Variants in PDGFD observed in about 807,000 individuals in gnomAD.
The protein encoded by PDGFD is platelet-derived growth factor D.
A neutral mutation model predicts 44.7 loss-of-function variants in PDGFD; 30 were observed. That is an observed-to-expected ratio of 0.67 (90% confidence interval 0.50 to 0.91). PDGFD has a LOEUF of 0.91. PDGFD is among the 40% of genes least tolerant of loss of function. The pLI is 0.00. For synonymous variants in PDGFD, 173 were observed against 168.4 expected (o/e 1.03, Z -0.21); for missense variants, 445 against 457.8 (o/e 0.97, Z 0.25).
intron 1 of PDGFD, among the ~76,000 whole-genome samples, chr11:104,121,595 T>C (rs976931634): frequency 6.6e-6 from 1 of 152,048 alleles, no homozygotes; most frequent in South Asian, 2.1e-4. Flanking sequence ...CCTACAAGAA[T>C]ACAAGTTCCA....
At chr11:103,939,147 G>A (rs1402006502) in intron 5 of PDGFD, among the ~76,000 whole-genome samples, 1 of 152,134 alleles carries the variant, frequency 6.6e-6, no homozygotes, top group East Asian at 1.9e-4. Flanking sequence ...ACCTTGGGCA[G>A]TATGGCCATT....
chr11:104,037,849 G>T, intron 1 of PDGFD: 1 of 1,614,122 alleles, frequency 6.2e-7, no homozygotes, highest in East Asian at 2.2e-5. Flanking sequence ...ATGTTCCATC[G>T]ATTTGAAGAA....
intron 1 of PDGFD, among the ~76,000 whole-genome samples, chr11:104,013,740 C>A (rs1332348664): frequency 1.3e-5 from 2 of 151,842 alleles, no homozygotes; most frequent in African/African-American, 4.8e-5. Flanking sequence ...TTTTGTTTTT[C>A]AATAGGTAGC....
At chr11:104,085,365 T>A (rs1861115686) in intron 1 of PDGFD, among the ~76,000 whole-genome samples, 1 of 152,176 alleles carries the variant, frequency 6.6e-6, no homozygotes, top group Non-Finnish European at 1.5e-5. Context: ...GTCCTTGAGG[T>A]CTATCCAAGT....
chr11:104,148,305 A>G (rs1407627481), intron 1 of PDGFD, among the ~76,000 whole-genome samples: 1 of 152,158 alleles, frequency 6.6e-6, no homozygotes, highest in Non-Finnish European at 1.5e-5. Flanking sequence ...GCTCTCATAA[A>G]TTAATTTTTT....
In PDGFD at chr11:103,910,263, A is replaced by C. The variant is rs1452798602; in HGVS notation, c.988-444T>G. Among the ~76,000 whole-genome samples the C allele has an allele frequency of 2.6e-5, 4 of 152,234 alleles. No individual in the cohort carries two copies. The East Asian group carries it at 7.7e-4, about 29-fold the overall frequency. On this transcript the variant is annotated intron_variant, in intron 6 of 6. Coordinates refer to ENST00000393158, the MANE Select transcript of PDGFD (RefSeq NM_025208.5). ...ATGAATAAAATATGCTGGTATATCTAAATCTTTGGTTGAAGTAAAACATGT... is the reference window on the plus strand; with the variant it reads ...ATGAATAAAATATGCTGGTATATCTCAATCTTTGGTTGAAGTAAAACATGT...
intron 1 of PDGFD, among the ~76,000 whole-genome samples, chr11:104,153,176 G>T (rs1397646507): frequency 1.3e-5 from 2 of 152,062 alleles, no homozygotes; most frequent in Non-Finnish European, 2.9e-5. Context: ...AATTAAAGCA[G>T]AAACCTGACA....
chr11:104,128,384 T>A (rs1861869816), intron 1 of PDGFD, among the ~76,000 whole-genome samples: 1 of 152,122 alleles, frequency 6.6e-6, no homozygotes, highest in Non-Finnish European at 1.5e-5. Context: ...TACTCCTTGG[T>A]TCATCTCTAC....
chr11:103,997,436 T>C (rs746297568), intron 2 of PDGFD, among the ~76,000 whole-genome samples: 2 of 152,176 alleles, frequency 1.3e-5, no homozygotes, highest in East Asian at 1.9e-4. Context: ...AAAATAATGA[T>C]ATTGTGACTA....
At chr11:104,151,323 C>T (rs1346502564) in intron 1 of PDGFD, among the ~76,000 whole-genome samples, 2 of 152,258 alleles carry the variant, frequency 1.3e-5, no homozygotes, top group East Asian at 1.9e-4. Context: ...TTTACACACG[C>T]ATGCAAGCTG....
intron 1 of PDGFD, among the ~76,000 whole-genome samples, chr11:104,161,407 T>G (rs1862385973): frequency 6.6e-6 from 1 of 152,122 alleles, no homozygotes. Context: ...CAGAACAAGG[T>G]TTTAATTTAA....
chr11:103,994,679 C>A (rs1422156769), intron 3 of PDGFD, among the ~76,000 whole-genome samples: 1 of 151,956 alleles, frequency 6.6e-6, no homozygotes, highest in Admixed American at 6.6e-5. Context: ...TCTATTTTGG[C>A]ATTCACACTT....
chr11:104,012,679 A>G (rs1267008483), intron 1 of PDGFD, among the ~76,000 whole-genome samples: 1 of 152,200 alleles, frequency 6.6e-6, no homozygotes, highest in Non-Finnish European at 1.5e-5. Context: ...GACAGATTAT[A>G]CTAGCCTAAA....
chr11:104,055,035 T>C (rs922084883), intron 1 of PDGFD, among the ~76,000 whole-genome samples: 1 of 152,264 alleles, frequency 6.6e-6, no homozygotes, highest in African/African-American at 2.4e-5. Flanking sequence ...TTAATGTTAA[T>C]GTTTTAAAAC....
At chr11:103,955,424 T>C (rs1440114545) in intron 3 of PDGFD, among the ~76,000 whole-genome samples, 1 of 152,146 alleles carries the variant, frequency 6.6e-6, no homozygotes, top group East Asian at 1.9e-4. Context: ...CCAACAATGT[T>C]TGTGGAAATG....
At chr11:104,030,857 T>C (rs1188932620) in intron 1 of PDGFD, among the ~76,000 whole-genome samples, 1 of 152,122 alleles carries the variant, frequency 6.6e-6, no homozygotes, top group Non-Finnish European at 1.5e-5. Flanking sequence ...TTCTGGACAG[T>C]CCCATTCACT....
chr11:103,937,797 T>G (rs1001449239), intron 5 of PDGFD, among the ~76,000 whole-genome samples: 65 of 148,240 alleles, frequency 4.4e-4, no homozygotes, highest in Non-Finnish European at 7.9e-4. Flanking sequence ...AGTGAGAACA[T>G]GCGGTGTTTG....
chr11:104,007,752 A>G (rs1454242505), intron 1 of PDGFD, among the ~76,000 whole-genome samples: 4 of 152,220 alleles, frequency 2.6e-5, no homozygotes, highest in Non-Finnish European at 5.9e-5. Context: ...TGATCCTATA[A>G]TATGTCATAG....
intron 1 of PDGFD, among the ~76,000 whole-genome samples, chr11:104,135,995 T>C (rs527459580): frequency 3.3e-5 from 5 of 152,018 alleles, no homozygotes; most frequent in Non-Finnish European, 7.4e-5. Context: ...GAAGATGACA[T>C]CGGATTGGAG....
Sources: gnomAD v4.1 joint callset for allele counts (sites outside exome capture counted in the v4.1 genomes callset) on GRCh38, gnomAD v4.1.1 for gene constraint, MANE v1.5 for transcripts, NCBI Gene and HGNC (gene_info 2026-07-23, HGNC 2026-07-21) for gene names.